The following JAM3 variants were observed in gnomAD, a reference collection of about 807,000 sequenced individuals.
JAM3 encodes the protein junctional adhesion molecule C.
Under a neutral mutation model 39.4 loss-of-function variants are expected in JAM3, and 31 were observed. That is an observed-to-expected ratio of 0.79 (90% CI 0.59 to 1.06). JAM3 has a LOEUF of 1.06. Among genes scored for constraint, JAM3 ranks in the 50% least tolerant of loss-of-function variants. The pLI, the probability that JAM3 is intolerant of heterozygous loss-of-function variation, is 0.00. For synonymous variants in JAM3, 182 were observed against 148.7 expected (o/e 1.22, Z -1.63); for missense variants, 455 against 391.4 (o/e 1.16, Z -1.37).
intron 1 of JAM3, among the ~76,000 whole-genome samples, chr11:134,097,344 G>T (rs932125668): frequency 6.6e-6 from 1 of 152,144 alleles, no homozygotes; most frequent in South Asian, 2.1e-4. Flanking sequence ...GCATTTCAGG[G>T]CGCCTTGCCT....
At chr11:134,115,456 T>C (rs879119872) in intron 1 of JAM3, among the ~76,000 whole-genome samples, 1 of 152,364 alleles carries the variant, frequency 6.6e-6, no homozygotes, top group South Asian at 2.1e-4. Context: ...CCTTCTTTTC[T>C]ATTGGGTAAC....
At chr11:134,107,226 G>T (rs137939468) in intron 1 of JAM3, among the ~76,000 whole-genome samples, 1 of 151,916 alleles carries the variant, frequency 6.6e-6, no homozygotes, top group Non-Finnish European at 1.5e-5. Context: ...GCAAACTATC[G>T]CAAGGACAAA....
intron 1 of JAM3, among the ~76,000 whole-genome samples, chr11:134,097,723 C>G (rs376728849): frequency 2.0e-4 from 31 of 152,190 alleles, no homozygotes; most frequent in African/African-American, 7.5e-4. Context: ...ATGTTTACTT[C>G]AGGATAATGT....
At chr11:134,133,156 G>A (rs972301288) in intron 1 of JAM3, among the ~76,000 whole-genome samples, 1 of 152,116 alleles carries the variant, frequency 6.6e-6, no homozygotes, top group Non-Finnish European at 1.5e-5. Context: ...CTGCAGCCTT[G>A]GTGAACTCAT....
At chr11:134,125,413 C>G (rs1319068220) in intron 1 of JAM3, among the ~76,000 whole-genome samples, 2 of 152,182 alleles carry the variant, frequency 1.3e-5, no homozygotes, top group African/African-American at 4.8e-5. Context: ...TCATGTTTTC[C>G]TTTTCGTACA....
At chr11:134,071,090 GATT>G (rs1941478033) in intron 1 of JAM3, among the ~76,000 whole-genome samples, 1 of 151,954 alleles carries the variant, frequency 6.6e-6, no homozygotes, top group African/African-American at 2.4e-5. Flanking sequence ...TATTTTTTAT[GATT>G]ATTCTCAATT....
chr11:134,103,202 A>G (rs1942111139), intron 1 of JAM3, among the ~76,000 whole-genome samples: 1 of 152,222 alleles, frequency 6.6e-6, no homozygotes, highest in Non-Finnish European at 1.5e-5. Context: ...AGTGGGGGCC[A>G]ATATTCAACA....
At chr11:134,121,813 A>C (rs1565496307) in intron 1 of JAM3, among the ~76,000 whole-genome samples, 1 of 131,100 alleles carries the variant, frequency 7.6e-6, no homozygotes, top group African/African-American at 3.2e-5. Flanking sequence ...CACTGCGTGC[A>C]TGTGTGCGCA....
intron 1 of JAM3, among the ~76,000 whole-genome samples, chr11:134,085,173 A>G (rs1941728204): frequency 6.6e-6 from 1 of 152,236 alleles, no homozygotes; most frequent in South Asian, 2.1e-4. Context: ...GAGTTTTCTC[A>G]TGTCAAAGGG....
chr11:134,130,729 G>A (rs1290933496), intron 1 of JAM3, among the ~76,000 whole-genome samples: 1 of 152,174 alleles, frequency 6.6e-6, no homozygotes, highest in African/African-American at 2.4e-5. Flanking sequence ...TCTTGAAGAG[G>A]CAACAGCTAT....
chr11:134,149,056 C>T (rs986993484), intron 8 of JAM3, 90 bp from the exon 9 acceptor site: 4 of 1,445,598 alleles, frequency 2.8e-6, no homozygotes, highest in African/African-American at 2.8e-5. Flanking sequence ...ATTATTCCAT[C>T]TGTATTTAGC....
chr11:134,142,642 G>A (rs1011381571), intron 3 of JAM3, among the ~76,000 whole-genome samples: 7 of 152,124 alleles, frequency 4.6e-5, no homozygotes, highest in Middle Eastern at 3.4e-3. Context: ...GCTGTAATTC[G>A]TACCGCATCC....
chr11:134,126,712 G>T (rs1942654954), intron 1 of JAM3, among the ~76,000 whole-genome samples: 1 of 152,184 alleles, frequency 6.6e-6, no homozygotes. Flanking sequence ...TCCTGGTCAG[G>T]TCTTCCTGTG....
intron 1 of JAM3, among the ~76,000 whole-genome samples, chr11:134,139,155 C>T (rs1565503234): frequency 6.6e-6 from 1 of 152,318 alleles, no homozygotes; most frequent in East Asian, 1.9e-4. Context: ...AAACAGGTTT[C>T]TGATGTTTGC....
At chr11:134,126,926 C>A (rs1043439646) in intron 1 of JAM3, among the ~76,000 whole-genome samples, 1 of 152,206 alleles carries the variant, frequency 6.6e-6, no homozygotes, top group Non-Finnish European at 1.5e-5. Flanking sequence ...GGCACTGATG[C>A]ATTGTAGGAT....
intron 1 of JAM3, among the ~76,000 whole-genome samples, chr11:134,110,341 C>T (rs886650307): frequency 6.6e-6 from 1 of 152,106 alleles, no homozygotes; most frequent in Non-Finnish European, 1.5e-5. Context: ...TATGTTTATA[C>T]AAAGATTTGT....
chr11:134,138,400 G>T (rs377287226), intron 1 of JAM3, among the ~76,000 whole-genome samples: 6 of 107,842 alleles, frequency 5.6e-5, no homozygotes, highest in African/African-American at 2.1e-4. Flanking sequence ...GTGTCTCGTC[G>T]AAGTCGTGGT....
At position 134,151,760 on chromosome 11, in the gene JAM3, C is replaced by T. The variant is rs546165965; in HGVS notation, c.*2579C>T. 6.6e-6 allele frequency: 1 copy of T among 152,280 alleles called. No individual in the cohort carries two copies. Among genetic ancestry groups the T allele is most frequent in the South Asian group, 2.1e-4 (1 of 4,814 alleles). 9.4% of individuals were successfully genotyped at this position (152,280 alleles called of 1,614,324 possible). A position where few individuals can be genotyped will look rare whatever the true frequency, so the allele number is the denominator to read the frequency against. On this transcript the variant is annotated 3_prime_UTR_variant, in exon 9 of 9. Coordinates refer to ENST00000299106, the MANE Select transcript of JAM3 (RefSeq NM_032801.5). ...AAGCTTCAAAAAAACCCAAACATTG[C>T]TTCATTCTTTGTTATTTGCTCTTAC...
intron 1 of JAM3, among the ~76,000 whole-genome samples, chr11:134,120,645 C>T (rs1004965124): frequency 2.6e-5 from 4 of 152,174 alleles, no homozygotes; most frequent in African/African-American, 9.7e-5. Context: ...TCTGCTATTC[C>T]GATGAGTTTC....
Sources: gnomAD v4.1 joint callset for allele counts (sites outside exome capture counted in the v4.1 genomes callset) on GRCh38, gnomAD v4.1.1 for gene constraint, MANE v1.5 for transcripts, NCBI Gene and HGNC (gene_info 2026-07-23, HGNC 2026-07-21) for gene names.